Variants in AGO3 observed in about 807,000 individuals in gnomAD.
AGO3 encodes the protein argonaute RISC catalytic component 3, also known as protein argonaute-3.
Under a neutral mutation model 105.5 loss-of-function variants are expected in AGO3, and 16 were observed. The observed-to-expected ratio is 0.15, with a 90% CI of 0.10 to 0.23. The LOEUF is 0.23. Ranked by LOEUF, AGO3 falls within the 10% of genes least tolerant of loss-of-function variation. AGO3 has a pLI of 1.00. For synonymous variants in AGO3, 340 were observed against 367.3 expected, an observed-to-expected ratio of 0.93 and a Z score of 0.85; for missense variants, 534 against 1,088.0, an observed-to-expected ratio of 0.49 and a Z score of 7.16.
chr1:35,978,394 G>T (rs1646990929), intron 5 of AGO3, among the ~76,000 whole-genome samples: 1 of 152,142 alleles, frequency 6.6e-6, no homozygotes, highest in Non-Finnish European at 1.5e-5. Flanking sequence ...GTTTCACCAT[G>T]TTGGTCAGGC....
intron 5 of AGO3, among the ~76,000 whole-genome samples, chr1:35,981,390 C>T (rs766851012): frequency 1.1e-4 from 16 of 152,250 alleles, no homozygotes; most frequent in East Asian, 1.9e-4. Context: ...AGGCCTCTCT[C>T]CTCCATTGTT....
At chr1:35,982,905 A>G (rs564040738) in intron 5 of AGO3, 26 of 392,412 alleles carry the variant, frequency 6.6e-5, no homozygotes, top group East Asian at 6.4e-4. Context: ...CAAGCCTGGC[A>G]TATCAGTCAA....
At chr1:35,950,090 G>A (rs935776897) in intron 2 of AGO3, among the ~76,000 whole-genome samples, 2 of 151,994 alleles carry the variant, frequency 1.3e-5, no homozygotes, top group Non-Finnish European at 2.9e-5. Context: ...ATGTGATGGC[G>A]GGCGCCTGTA....
At chr1:36,029,443 G>C (rs1268360531) in intron 12 of AGO3, among the ~76,000 whole-genome samples, 1 of 138,782 alleles carries the variant, frequency 7.2e-6, no homozygotes, top group Non-Finnish European at 1.5e-5. Context: ...CGCCCAGGTT[G>C]GAGTGCAGTG....
intron 11 of AGO3, 150 bp from the exon 12 acceptor site, chr1:36,026,964 C>G (rs917508205): frequency 1.2e-6 from 1 of 834,498 alleles, no homozygotes; most frequent in African/African-American, 1.7e-5. Flanking sequence ...CAGACCATTA[C>G]GCTTAACATC....
At chr1:35,932,849 A>G (rs1283957028) in intron 1 of AGO3, among the ~76,000 whole-genome samples, 3 of 152,218 alleles carry the variant, frequency 2.0e-5, no homozygotes, top group Non-Finnish European at 4.4e-5. Context: ...TCTGGAAAAC[A>G]AGTCATGAAG....
chr1:36,040,230 T>G, intron 15 of AGO3, 77 bp from the exon 16 acceptor site: 2 of 1,462,192 alleles, frequency 1.4e-6, no homozygotes, highest in Non-Finnish European at 1.9e-6. Context: ...ATCCTGAGAT[T>G]AAATCATTAT....
At chr1:36,047,660 G>A (rs974647623) in intron 17 of AGO3, among the ~76,000 whole-genome samples, 2 of 152,024 alleles carry the variant, frequency 1.3e-5, no homozygotes, top group African/African-American at 2.4e-5. Context: ...TGGGCAGACC[G>A]CTTTTGCTCA....
At position 36,008,737 on chromosome 1, in the gene AGO3, C is replaced by T; in HGVS notation, c.841C>T (p.Arg281Cys). The change falls in exon 7 of 19, where the codon CGT becomes TGT. Residue 281 changes from arginine to cysteine, a missense_variant. By Grantham distance (180) the Arg-to-Cys change is radical. Around this residue, in one of 2 missense-constraint regions of AGO3, gnomAD observed 373 missense variants for 854.0 expected, o/e 0.44. Coordinates refer to ENST00000373191, the MANE Select transcript of AGO3 (RefSeq NM_024852.4). The surrounding 1 kb of genome is among the most constrained non-coding windows in gnomAD (Gnocchi z 5.1). ...THCGTMRRKY[R>C]VCNVTRRPAS... ...TTGTGGAACAATGAGACGGAAATAC[C>T]GTGTTTGTAATGTAACAAGGAGGCC... 3 of 1,613,980 alleles carry T rather than the reference C, an allele frequency of 1.9e-6. No homozygotes were observed. Among genetic ancestry groups the T allele is most frequent in the Non-Finnish European group, 2.5e-6 (3 of 1,180,008 alleles).
intron 2 of AGO3, among the ~76,000 whole-genome samples, chr1:35,947,159 C>T (rs12041193): frequency 0.24 from 36,000 of 151,764 alleles, 7,024 homozygotes; most frequent in East Asian, 0.69. Flanking sequence ...AAAAGCATAA[C>T]GGTTGAGAAG....
chr1:36,032,408 G>T (rs562551433), intron 12 of AGO3, among the ~76,000 whole-genome samples: 1 of 151,948 alleles, frequency 6.6e-6, no homozygotes, highest in South Asian at 2.1e-4. Context: ...TTAAGGCAAG[G>T]TCTCACTCTG....
At position 36,067,220 on chromosome 1, in the gene AGO3, G is replaced by C. The variant is rs1192242534; in HGVS notation, c.*11475G>C. The stretch of plus-strand genomic sequence containing the variant: ...ATTTGGTAAAAACACTGGTTAGTTT[G>C]TAATGAAGAAAGAATTTTGGCATAG... On this transcript the variant is annotated 3_prime_UTR_variant, in exon 19 of 19. Coordinates refer to ENST00000373191, the MANE Select transcript of AGO3 (RefSeq NM_024852.4). 6.6e-6 allele frequency: 1 copy of C among 152,164 alleles called. No homozygotes were observed. The highest frequency in any genetic ancestry group is 1.5e-5 in the Non-Finnish European group (1 of 68,036). 9.4% of individuals were successfully genotyped at this position (152,164 alleles called of 1,614,324 possible).
At chr1:36,045,566 G>C (rs988213092) in intron 17 of AGO3, among the ~76,000 whole-genome samples, 1 of 150,570 alleles carries the variant, frequency 6.6e-6, no homozygotes, top group Admixed American at 6.7e-5. Flanking sequence ...GCCCACGCTA[G>C]AGTGTAATGG....
chr1:36,043,296 T>C, intron 16 of AGO3, 151 bp from the exon 17 acceptor site: 2 of 637,240 alleles, frequency 3.1e-6, no homozygotes, highest in Non-Finnish European at 5.5e-6. Context: ...AGGACCTGCG[T>C]AGTCTGCTCT....
chr1:36,018,928 G>A (rs1641064765), intron 11 of AGO3, among the ~76,000 whole-genome samples: 1 of 151,816 alleles, frequency 6.6e-6, no homozygotes, highest in Admixed American at 6.6e-5. Context: ...TCTGCTTCTC[G>A]GGAGAAACTT....
In AGO3 at chr1:36,067,750, C is replaced by T. The variant is rs1378214701; in HGVS notation, c.*12005C>T. ...TTTCCAGACAAGGTAGTCTGGAACC[C>T]AGGAGGCGGAGGTTGCAGTGAGCCG... On this transcript the variant is annotated 3_prime_UTR_variant, in exon 19 of 19. Transcript: ENST00000373191. The T allele has an allele frequency of 6.6e-6, 1 of 150,968 alleles. No homozygotes were observed. Among genetic ancestry groups the T allele is most frequent in the Non-Finnish European group, 1.5e-5 (1 of 67,844 alleles). 9.4% of individuals were successfully genotyped at this position (150,968 alleles called of 1,614,324 possible). A position where few individuals can be genotyped will look rare whatever the true frequency, so the allele number is the denominator to read the frequency against.
At chr1:36,010,955 GAA>G (rs1640584490) in intron 9 of AGO3, among the ~76,000 whole-genome samples, 2 of 150,720 alleles carry the variant, frequency 1.3e-5, no homozygotes, top group Non-Finnish European at 3.0e-5. Flanking sequence ...GAAAGAAAGA[GAA>G]AAAGAGAGAG....
In AGO3 at chr1:36,071,362, A is replaced by G. The variant is rs1643164474; in HGVS notation, c.*15617A>G. On this transcript the variant is annotated 3_prime_UTR_variant, in exon 19 of 19. Coordinates refer to ENST00000373191, the MANE Select transcript of AGO3 (RefSeq NM_024852.4). ...TGAAGATGGACAAATAGCCTTTTAAATTCTACTTTTTAACCATCTTTACCG... is the reference window on the plus strand; with the variant it reads ...TGAAGATGGACAAATAGCCTTTTAAGTTCTACTTTTTAACCATCTTTACCG... 1.3e-5 allele frequency: 2 copies of G among 152,222 alleles called. No individual in the cohort carries two copies. Among genetic ancestry groups the G allele is most frequent in the African/African-American group, 4.8e-5 (2 of 41,462 alleles). The allele number at this position is 152,222 out of a possible 1,614,324, so 9.4% of individuals were successfully genotyped here.
At chr1:35,931,753 A>G (rs1030688583) in intron 1 of AGO3, among the ~76,000 whole-genome samples, 17 of 152,222 alleles carry the variant, frequency 1.1e-4, no homozygotes, top group Admixed American at 9.2e-4. Context: ...GCCATTGTCT[A>G]GTTGGAGTGC....
Sources: gnomAD v4.1 joint callset for allele counts (sites outside exome capture counted in the v4.1 genomes callset) on GRCh38, gnomAD v4.1.1 for gene constraint, gnomAD v4.1.1 regional missense constraint, Gnocchi (gnomAD v3.1) non-coding constraint, MANE v1.5 for transcripts, NCBI Gene and HGNC (gene_info 2026-07-23, HGNC 2026-07-21) for gene names.